Variants in FMO2 observed in about 807,000 individuals in gnomAD.
FMO2 encodes flavin containing dimethylaniline monoxygenase 2, also known as flavin-containing monooxygenase 2.
FMO2 carries 33 observed loss-of-function variants against 41.6 expected under a neutral mutation model. The ratio of observed to expected loss-of-function variants is 0.79; its 90% CI spans 0.60 to 1.06. The LOEUF (loss-of-function observed/expected upper bound fraction) is 1.06, where lower values mean the gene tolerates loss of function less well. FMO2 is among the 50% of genes least tolerant of loss of function. FMO2 has a pLI of 0.00. For missense variants in FMO2, 619 were observed against 632.9 expected (o/e 0.98, Z 0.23); for synonymous variants, 214 against 219.6 (o/e 0.97, Z 0.23).
intron 2 of FMO2, among the ~76,000 whole-genome samples, chr1:171,189,418 T>A (rs1447428733): frequency 6.6e-6 from 1 of 152,036 alleles, no homozygotes; most frequent in Non-Finnish European, 1.5e-5. Flanking sequence ...ATATTGCCAA[T>A]GAGTGTATAC....
intron 2 of FMO2, 71 bp from the exon 3 acceptor site, chr1:171,193,264 T>C: frequency 2.1e-6 from 2 of 962,132 alleles, no homozygotes; most frequent in East Asian, 4.8e-5. Flanking sequence ...AGGGGTTAGA[T>C]GTAGGAAGAG....
chr1:171,193,030 T>G (rs1176333930), intron 2 of FMO2, among the ~76,000 whole-genome samples: 1 of 152,144 alleles, frequency 6.6e-6, no homozygotes, highest in Non-Finnish European at 1.5e-5. Context: ...AGACTGGCAT[T>G]AAATAGGTAG....
In FMO2 at chr1:171,203,979, C is replaced by A; in HGVS notation, c.742C>A (p.Pro248Thr). ...RFRSMLRNVL[P>T]RTAVKWMIEQ... ...TCGTTCTATGCTCCGCAATGTACTG[C>A]CACGAACAGCTGTAAAATGGATGAT... The change falls in exon 6 of 9, where the codon CCA becomes ACA. Residue 248 changes from proline (P) to threonine (T), a missense_variant. Pro to Thr is a conservative substitution (Grantham distance 38, BLOSUM62 -1). Coordinates refer to ENST00000209929, the MANE Select transcript of FMO2 (RefSeq NM_001460.5). The A allele has an allele frequency of 6.2e-7, 1 of 1,613,624 alleles. No individual in the cohort carries two copies. Among genetic ancestry groups the A allele is most frequent in the African/African-American group, 1.3e-5 (1 of 74,994 alleles).
intron 5 of FMO2, among the ~76,000 whole-genome samples, chr1:171,201,756 G>T (rs191596012): frequency 6.6e-6 from 1 of 152,306 alleles, no homozygotes; most frequent in African/African-American, 2.4e-5. Context: ...TGGCATGGCT[G>T]GGGAAGCCTC....
At chr1:171,195,574 T>A (rs1379663792) in intron 3 of FMO2, among the ~76,000 whole-genome samples, 1 of 152,228 alleles carries the variant, frequency 6.6e-6, no homozygotes, top group Non-Finnish European at 1.5e-5. Context: ...ATATTCCATA[T>A]ACATTTTTAA....
chr1:171,205,016 T>C (rs1447413521), intron 6 of FMO2, among the ~76,000 whole-genome samples: 2 of 152,198 alleles, frequency 1.3e-5, no homozygotes, highest in Admixed American at 1.3e-4. Flanking sequence ...GCATTTTGTC[T>C]AAGCCCTTGG....
chr1:171,208,098 C>T (rs965497475), intron 8 of FMO2, among the ~76,000 whole-genome samples: 1 of 152,104 alleles, frequency 6.6e-6, no homozygotes, highest in Non-Finnish European at 1.5e-5. Flanking sequence ...TCCATAACTT[C>T]TCAAGCCACC....
chr1:171,206,732 T>C (rs1658770778), intron 7 of FMO2, among the ~76,000 whole-genome samples: 2 of 152,294 alleles, frequency 1.3e-5, no homozygotes, highest in African/African-American at 4.8e-5. Flanking sequence ...GATAGATTGT[T>C]TCAGCAGTAG....
chr1:171,194,125 A>T (rs1658208839), intron 3 of FMO2, among the ~76,000 whole-genome samples: 1 of 152,190 alleles, frequency 6.6e-6, no homozygotes, highest in Non-Finnish European at 1.5e-5. Flanking sequence ...GAATACACCT[A>T]GCTTCATTTG....
rs1335029024 is a variant in FMO2 at position 171,205,339 on chromosome 1, C to T, written c.888C>T (p.Ala296=). The change falls in exon 7 of 9, where the codon GCC becomes GCT. Residue 296 remains alanine (A), a synonymous_variant. Coordinates refer to ENST00000209929, the MANE Select transcript of FMO2 (RefSeq NM_001460.5). The part of the protein sequence containing the change: ...DDVPSRLLCG[A]IKVKSTVKEL... ...TCCCAAGTCGTCTACTCTGTGGAGC[C>T]ATCAAGGTGAAATCTACAGTGAAAG... is the stretch of plus-strand genomic sequence containing the variant. 2.5e-6 allele frequency: 4 copies of T among 1,613,646 alleles called. No homozygotes were observed. The highest frequency in any genetic ancestry group is 3.4e-6 in the Non-Finnish European group (4 of 1,179,812).
At chr1:171,208,666 C>CAGAG (rs1424842838) in intron 8 of FMO2, 128 bp from the exon 9 acceptor site, 2 of 838,034 alleles carry the variant, frequency 2.4e-6, no homozygotes, top group Non-Finnish European at 3.7e-6. Context: ...AACTTTCCAC[C>CAGAG]AGAGATTCAT....
chr1:171,205,664 C>T (rs776653392), intron 7 of FMO2, 30 bp downstream of exon 7: 9 of 1,380,630 alleles, frequency 6.5e-6, no homozygotes, highest in African/African-American at 2.9e-5. Flanking sequence ...AGTGGCTAAG[C>T]GTTTCAGATC....
chr1:171,191,861 A>C (rs1342025553), intron 2 of FMO2, among the ~76,000 whole-genome samples: 2 of 69,196 alleles, frequency 2.9e-5, no homozygotes, highest in African/African-American at 5.2e-5. Context: ...TCATCTCTAC[A>C]AAAAAAAAAA....
At chr1:171,196,504 G>T in intron 3 of FMO2, 145 bp from the exon 4 acceptor site, 1 of 581,902 alleles carries the variant, frequency 1.7e-6, no homozygotes, top group Non-Finnish European at 2.9e-6. Context: ...TCTCTCTCAA[G>T]TCCTTATTCA....
rs1014641033 is a variant in FMO2, at chr1:171,209,703, C to T, written c.*558C>T. 2 of 152,068 alleles carry T rather than the reference C, an allele frequency of 1.3e-5. No individual in the cohort carries two copies. The highest frequency in any genetic ancestry group is 2.9e-5 in the Non-Finnish European group (2 of 68,040). 9.4% of individuals were successfully genotyped at this position (152,068 alleles called of 1,614,324 possible). A position where few individuals can be genotyped will look rare whatever the true frequency, so the allele number is the denominator to read the frequency against. ...TGATGCTCAGATAAACTTTTAGGAC[C>T]TCATATTAAGAGCTAAGCAAATGGC... On this transcript the variant is annotated 3_prime_UTR_variant, in exon 9 of 9. Coordinates refer to ENST00000209929, the MANE Select transcript of FMO2 (RefSeq NM_001460.5).
intron 7 of FMO2, among the ~76,000 whole-genome samples, chr1:171,207,025 G>A (rs1471998757): frequency 6.6e-6 from 1 of 152,166 alleles, no homozygotes; most frequent in Non-Finnish European, 1.5e-5. Context: ...TACAGAGGGG[G>A]TGTGCAGAAA....
chr1:171,209,169 T>A lies in FMO2; in HGVS notation c.*24T>A, dbSNP rs1223460341. 4 of 433,838 alleles carry A rather than the reference T, an allele frequency of 9.2e-6. No individual in the cohort carries two copies. The highest frequency in any genetic ancestry group is 1.6e-5 in the Non-Finnish European group (4 of 247,394). The allele number at this position is 433,838 out of a possible 1,614,324, so 26.9% of individuals were successfully genotyped here. A position where few individuals can be genotyped will look rare whatever the true frequency, so the allele number is the denominator to read the frequency against. ...AGTCAGCATAATGCTTTGGGCTTTA[T>A]TATCTTGTCAGTCACTACCTCCTAA... On this transcript the variant is annotated 3_prime_UTR_variant, in exon 9 of 9. Transcript: ENST00000209929.
chr1:171,199,546 G>A, intron 5 of FMO2, 58 bp downstream of exon 5: 1 of 1,506,652 alleles, frequency 6.6e-7, no homozygotes, highest in Non-Finnish European at 9.0e-7. Flanking sequence ...ATGCCATACT[G>A]GAGAACCCCA....
In FMO2 at chr1:171,196,810, A is replaced by C. The variant is rs61730972; in HGVS notation, c.483A>C (p.Pro161=). ...CTCATATCCCACTGAAGTCATTTCCAGGTGAGACCCGCTGGGATTCCCAGC... is the reference window on the plus strand; with the variant it reads ...CTCATATCCCACTGAAGTCATTTCCCGGTGAGACCCGCTGGGATTCCCAGC... The part of the protein sequence containing the change: ...ILPHIPLKSF[P]GMERFKGQYF... Residue 161 remains proline (P), a splice_region_variant and synonymous_variant, in exon 4 of 9, where the codon CCA becomes CCC. Transcript: ENST00000209929. The C allele has an allele frequency of 3.7e-6, 6 of 1,612,014 alleles. No individual in the cohort carries two copies. The Admixed American group carries it at 6.7e-5, about 18-fold the overall frequency.
Sources: allele counts gnomAD v4.1 joint callset (sites outside exome capture counted in the v4.1 genomes callset), GRCh38; gene constraint gnomAD v4.1.1; transcripts MANE v1.5; gene names NCBI Gene and HGNC (gene_info 2026-07-23, HGNC 2026-07-21).